PRKG1: variants seen among roughly 807,000 people sequenced by gnomAD.
PRKG1 encodes the protein cGMP-dependent protein kinase 1.
Under a neutral mutation model 88.1 loss-of-function variants are expected in PRKG1, and 35 were observed. The observed-to-expected ratio is 0.40, with a 90% confidence interval of 0.30 to 0.53. PRKG1 has a LOEUF of 0.53. Among genes scored for constraint, PRKG1 ranks in the 20% least tolerant of loss-of-function variants. The probability of loss-of-function intolerance (pLI) is 0.59; values close to 1 mark genes in which losing one functional copy is unlikely to be tolerated. For synonymous variants in PRKG1, 303 were observed against 292.5 expected, an observed-to-expected ratio of 1.04 and a Z score of -0.37; for missense variants, 540 against 839.8, an observed-to-expected ratio of 0.64 and a Z score of 4.41.
Position 51,422,305 on chromosome 10 carries a change from GT to G in PRKG1, c.479-45415del, listed in dbSNP as rs1838439750. Among the ~76,000 whole-genome samples, 3 of 152,216 alleles carry G rather than the reference GT, an allele frequency of 2.0e-5. No homozygotes were observed. The East Asian group carries it at 5.8e-4, about 29-fold the overall frequency. ...AGTTAGGAAAGGATGGCACTGTGAGGTTTCTGTAAGAAAGGGGACTCCATAG... is the reference window on the plus strand; with the variant it reads ...AGTTAGGAAAGGATGGCACTGTGAGGTTCTGTAAGAAAGGGGACTCCATAG... On this transcript the variant is annotated intron_variant, in intron 2 of 17. Transcript: ENST00000373980.
At chr10:51,849,257 G>A (rs1169960759) in intron 4 of PRKG1, among the ~76,000 whole-genome samples, 1 of 152,138 alleles carries the variant, frequency 6.6e-6, no homozygotes, top group African/African-American at 2.4e-5. Context: ...AAACAGGCAT[G>A]AGTTTGAATT....
At chr10:51,048,138 T>C (rs1489269835) in intron 1 of PRKG1, among the ~76,000 whole-genome samples, 1 of 152,176 alleles carries the variant, frequency 6.6e-6, no homozygotes, top group African/African-American at 2.4e-5. Context: ...CAAAACCTCA[T>C]TCTTTCCCAT....
chr10:52,024,100 G>A (rs1178193602), intron 5 of PRKG1, among the ~76,000 whole-genome samples: 2 of 151,996 alleles, frequency 1.3e-5, no homozygotes, highest in South Asian at 2.1e-4. Context: ...TAAGGTGTGA[G>A]GAAGGGATCC....
chr10:51,038,461 C>G (rs1843380810), intron 1 of PRKG1, among the ~76,000 whole-genome samples: 1 of 152,124 alleles, frequency 6.6e-6, no homozygotes. Flanking sequence ...TTAACCATCC[C>G]CATTTCTTAC....
intron 2 of PRKG1, among the ~76,000 whole-genome samples, chr10:51,336,055 G>C (rs193015176): frequency 6.6e-6 from 1 of 152,284 alleles, no homozygotes; most frequent in East Asian, 1.9e-4. Flanking sequence ...AAATCAATTA[G>C]AGAGCAATTA....
intron 5 of PRKG1, among the ~76,000 whole-genome samples, chr10:52,001,576 T>C (rs538499649): frequency 4.0e-5 from 6 of 151,880 alleles, no homozygotes; most frequent in African/African-American, 1.4e-4. Context: ...CCTTCAGTCA[T>C]TTTTTTTCCC....
intron 3 of PRKG1, among the ~76,000 whole-genome samples, chr10:51,558,056 C>T (rs1200172376): frequency 6.6e-6 from 1 of 151,868 alleles, no homozygotes; most frequent in African/African-American, 2.4e-5. Flanking sequence ...TGATGTAGGC[C>T]TATTTGGAAT....
At chr10:51,531,657 T>G (rs1842019611) in intron 3 of PRKG1, among the ~76,000 whole-genome samples, 1 of 142,146 alleles carries the variant, frequency 7.0e-6, no homozygotes, top group African/African-American at 2.6e-5. Context: ...TTTTTTTTTT[T>G]TTTTTTGAGA....
At chr10:51,103,841 T>A (rs1018187157) in intron 1 of PRKG1, among the ~76,000 whole-genome samples, 1 of 152,168 alleles carries the variant, frequency 6.6e-6, no homozygotes, top group Non-Finnish European at 1.5e-5. Context: ...AGTAAGTACA[T>A]ACACAACTAA....
rs556777112 is a variant in PRKG1, at chr10:52,105,885, A to G, written c.936-27955A>G. 2.6e-5 allele frequency among the ~76,000 whole-genome samples: 4 copies of G among 151,890 alleles called. No homozygotes were observed. The South Asian group carries it at 6.2e-4, about 24-fold the overall frequency. On this transcript the variant is annotated intron_variant, in intron 7 of 17. Coordinates refer to ENST00000373980, the MANE Select transcript of PRKG1 (RefSeq NM_006258.4). Reference sequence around the variant, plus strand: ...TTTTGGTTACATGGATACGTTCTTTAGTGGTGATTTCTGAGATTTTGGTGC... The same window carrying G: ...TTTTGGTTACATGGATACGTTCTTTGGTGGTGATTTCTGAGATTTTGGTGC...
chr10:51,989,738 G>C (rs1347617206), intron 5 of PRKG1, among the ~76,000 whole-genome samples: 2 of 152,096 alleles, frequency 1.3e-5, no homozygotes, highest in Non-Finnish European at 2.9e-5. Flanking sequence ...CAGCAGAGAA[G>C]AAAAGAATCT....
chr10:51,518,253 C>G (rs1323095584), intron 3 of PRKG1, among the ~76,000 whole-genome samples: 1 of 152,180 alleles, frequency 6.6e-6, no homozygotes, highest in Non-Finnish European at 1.5e-5. Context: ...CCTCCTCAGC[C>G]TCCTAAAATG....
chr10:51,862,225 C>T (rs542342209), intron 4 of PRKG1, among the ~76,000 whole-genome samples: 15 of 152,318 alleles, frequency 9.8e-5, no homozygotes, highest in African/African-American at 2.9e-4. Context: ...CTGCCCATAG[C>T]ATGGCAAACA....
intron 2 of PRKG1, among the ~76,000 whole-genome samples, chr10:51,264,730 CT>C (rs1384664529): frequency 6.6e-6 from 1 of 152,110 alleles, no homozygotes; most frequent in Non-Finnish European, 1.5e-5. Flanking sequence ...GGAAATATGA[CT>C]TTAAACAAAA....
chr10:52,042,054 AT>A, intron 5 of PRKG1, among the ~76,000 whole-genome samples: 1 of 152,306 alleles, frequency 6.6e-6, no homozygotes, highest in African/African-American at 2.4e-5. Context: ...GATGAAAGAA[AT>A]TAAAGAGAAC....
At chr10:51,369,352 C>T (rs940411133) in intron 2 of PRKG1, among the ~76,000 whole-genome samples, 7 of 152,082 alleles carry the variant, frequency 4.6e-5, no homozygotes, top group African/African-American at 1.7e-4. Context: ...TAGGTGGCGC[C>T]TTGTCACTGT....
intron 2 of PRKG1, among the ~76,000 whole-genome samples, chr10:51,326,837 C>T (rs1588842645): frequency 1.3e-5 from 2 of 152,088 alleles, no homozygotes; most frequent in Admixed American, 6.5e-5. Flanking sequence ...TGACTTTTTT[C>T]ATTAGGTTAG....
chr10:52,015,405 T>C (rs11000470), intron 5 of PRKG1, among the ~76,000 whole-genome samples: 24,150 of 152,130 alleles, frequency 0.16, 2,448 homozygotes, highest in East Asian at 0.32. Flanking sequence ...GCGCACCATG[T>C]CCCAAGGCTG....
intron 1 of PRKG1, among the ~76,000 whole-genome samples, chr10:51,116,718 A>C (rs1356009075): frequency 6.6e-6 from 1 of 152,154 alleles, no homozygotes; most frequent in Non-Finnish European, 1.5e-5. Flanking sequence ...GCTGAGTTCA[A>C]GATGTAGTTA....
Sources: gnomAD v4.1 joint callset for allele counts (sites outside exome capture counted in the v4.1 genomes callset) on GRCh38, gnomAD v4.1.1 for gene constraint, MANE v1.5 for transcripts, NCBI Gene and HGNC (gene_info 2026-07-23, HGNC 2026-07-21) for gene names.